BMP7: variants seen among roughly 807,000 people sequenced by gnomAD.
The protein encoded by BMP7 is bone morphogenetic protein 7.
Under a neutral mutation model 41.2 loss-of-function variants are expected in BMP7, and 12 were observed. The observed-to-expected ratio is 0.29, with a 90% CI of 0.19 to 0.47. BMP7 has a LOEUF of 0.47. Ranked by LOEUF, BMP7 falls within the 20% of genes least tolerant of loss-of-function variation. The probability of loss-of-function intolerance (pLI) is 0.99; values close to 1 mark genes in which losing one functional copy is unlikely to be tolerated. For missense variants in BMP7, 467 were observed against 606.0 expected (o/e 0.77, Z 2.41); for synonymous variants, 248 against 250.0 (o/e 0.99, Z 0.07).
intron 2 of BMP7, among the ~76,000 whole-genome samples, chr20:57,216,089 G>C (rs192977119): frequency 6.6e-6 from 1 of 152,280 alleles, no homozygotes; most frequent in Non-Finnish European, 1.5e-5. Context: ...GAGAAGGCCA[G>C]AGCGGGCTGT....
intron 1 of BMP7, among the ~76,000 whole-genome samples, chr20:57,264,406 C>A (rs1600649972): frequency 6.6e-6 from 1 of 152,358 alleles, no homozygotes; most frequent in Middle Eastern, 3.4e-3. Flanking sequence ...CAGGAAACAG[C>A]GCTATCGGGG....
intron 1 of BMP7, among the ~76,000 whole-genome samples, chr20:57,235,252 T>A (rs1230922577): frequency 6.6e-6 from 1 of 152,258 alleles, no homozygotes; most frequent in Non-Finnish European, 1.5e-5. Flanking sequence ...CTCATTTTTT[T>A]ATAGTCATTT....
chr20:57,175,869 C>G (rs892273901), intron 4 of BMP7, among the ~76,000 whole-genome samples: 9 of 152,170 alleles, frequency 5.9e-5, no homozygotes, highest in African/African-American at 1.9e-4. Flanking sequence ...AACTGATTGA[C>G]CAAACACCAA....
At chr20:57,187,414 A>G (rs1984238215) in intron 3 of BMP7, among the ~76,000 whole-genome samples, 1 of 152,156 alleles carries the variant, frequency 6.6e-6, no homozygotes, top group South Asian at 2.1e-4. Context: ...GTGGTTTAAT[A>G]AAAGGCAACT....
chr20:57,173,399 A>G (rs527636941), intron 5 of BMP7, 89 bp from the exon 6 acceptor site: 2 of 1,291,556 alleles, frequency 1.5e-6, no homozygotes, highest in African/African-American at 1.5e-5. Context: ...CCACCACGCC[A>G]GGCTCACGAC....
intron 1 of BMP7, among the ~76,000 whole-genome samples, chr20:57,241,081 A>G (rs2066067137): frequency 6.6e-6 from 1 of 152,158 alleles, no homozygotes; most frequent in South Asian, 2.1e-4. Context: ...CACTTTCCAG[A>G]TGAGGACACT....
chr20:57,193,502 C>A (rs2123078837), intron 3 of BMP7, among the ~76,000 whole-genome samples: 1 of 152,310 alleles, frequency 6.6e-6, no homozygotes, highest in African/African-American at 2.4e-5. Context: ...AGACACTGAC[C>A]CACTCACATC....
intron 3 of BMP7, among the ~76,000 whole-genome samples, chr20:57,185,745 G>C (rs925473201): frequency 6.6e-6 from 1 of 152,344 alleles, no homozygotes; most frequent in African/African-American, 2.4e-5. Flanking sequence ...TTAATGCACA[G>C]CTGGGGCTCA....
At chr20:57,204,546 C>T (rs998784616) in intron 2 of BMP7, among the ~76,000 whole-genome samples, 2 of 152,208 alleles carry the variant, frequency 1.3e-5, no homozygotes, top group Non-Finnish European at 2.9e-5. Flanking sequence ...GAGGCAGGTG[C>T]GAGGGCACAG....
intron 1 of BMP7, among the ~76,000 whole-genome samples, chr20:57,258,016 T>C (rs1369266781): frequency 6.6e-6 from 1 of 152,078 alleles, no homozygotes; most frequent in Non-Finnish European, 1.5e-5. Flanking sequence ...ACCCAATGCT[T>C]AGAAACACAC....
intron 3 of BMP7, among the ~76,000 whole-genome samples, chr20:57,188,126 G>T (rs917688681): frequency 2.6e-5 from 4 of 152,048 alleles, no homozygotes; most frequent in Admixed American, 6.5e-5. Context: ...TGAAAACACG[G>T]GTTCACATGA....
chr20:57,228,394 G>T lies in BMP7; in HGVS notation c.446C>A (p.Pro149Gln), dbSNP rs974761741. The change falls in exon 2 of 7, where the codon CCA becomes CAA. Residue 149 changes from proline to glutamine, a missense_variant. By Grantham distance (76) the Pro-to-Gln change is moderately conservative (BLOSUM62 -1). Coordinates refer to ENST00000395863, the MANE Select transcript of BMP7 (RefSeq NM_001719.3). The surrounding 1 kb of genome is among the most constrained non-coding windows in gnomAD (Gnocchi z 4.5). Reference protein sequence around the residue: ...LVEHDKEFFHPRYHHREFRFD... With the variant: ...LVEHDKEFFHQRYHHREFRFD... ...CCGGAACTCTCGATGGTGGTAGCGT[G>T]GGTGGAAGAATTCCTTGTCATGTTC... The T allele has an allele frequency of 6.2e-7, 1 of 1,614,166 alleles. No homozygotes were observed. The highest frequency in any genetic ancestry group is 2.2e-5 in the East Asian group (1 of 44,886).
At chr20:57,264,988 G>A (rs1242057266) in intron 1 of BMP7, among the ~76,000 whole-genome samples, 2 of 130,218 alleles carry the variant, frequency 1.5e-5, no homozygotes, top group African/African-American at 6.0e-5. Flanking sequence ...CAGAGATCGC[G>A]CCATTGCACT....
Position 57,228,109 on chromosome 20 carries a change from C to G in BMP7, c.611+120G>C. ...ATACACCTTCTTTAGAAGGGATAAT[C>G]TGGTACAGGGCCTGGCACGTGGTTG... On this transcript the variant is annotated intron_variant, in intron 2 of 6. Transcript: ENST00000395863. This position sits in a 1 kb window ranked among gnomAD's most constrained non-coding sequence, Gnocchi z 4.5. 1 of 1,121,754 alleles carries G rather than the reference C, an allele frequency of 8.9e-7. No individual in the cohort carries two copies. The highest frequency in any genetic ancestry group is 1.4e-6 in the Non-Finnish European group (1 of 738,020). 69.5% of individuals were successfully genotyped at this position (1,121,754 alleles called of 1,614,324 possible).
chr20:57,209,782 C>A (rs1984837324), intron 2 of BMP7, among the ~76,000 whole-genome samples: 1 of 152,232 alleles, frequency 6.6e-6, no homozygotes, highest in Admixed American at 6.5e-5. Context: ...AGCAACAATT[C>A]ACTGTGAAGT....
At position 57,213,833 on chromosome 20, in the gene BMP7, C is replaced by T. The variant is rs369883198; in HGVS notation, c.612-11210G>A. Among the ~76,000 whole-genome samples, 5 of 152,158 alleles carry T rather than the reference C, an allele frequency of 3.3e-5. No homozygotes were observed. In the East Asian group the frequency reaches 5.8e-4, roughly 18 times the overall value. On this transcript the variant is annotated intron_variant, in intron 2 of 6. Coordinates refer to ENST00000395863, the MANE Select transcript of BMP7 (RefSeq NM_001719.3). This position sits in a 1 kb window ranked among gnomAD's most constrained non-coding sequence, Gnocchi z 4.4. The stretch of plus-strand genomic sequence containing the variant: ...AACCCTGAGCAAGTCAGTCTCTGTC[C>T]ATCAGGTTCTTTTGTTTGTAAAATG...
In BMP7 at chr20:57,233,755, T is replaced by C. The variant is rs575445520; in HGVS notation, c.419-5334A>G. Among the ~76,000 whole-genome samples, 5 of 152,288 alleles carry C rather than the reference T, an allele frequency of 3.3e-5. No homozygotes were observed. In the South Asian group the frequency reaches 1.0e-3, roughly 32 times the overall value. Reference sequence around the variant, plus strand: ...AAAGGGAGGGCCACAACCAAAGAAATTGGCAACCCACTCTGTAGACTTGCA... The same window carrying C: ...AAAGGGAGGGCCACAACCAAAGAAACTGGCAACCCACTCTGTAGACTTGCA... On this transcript the variant is annotated intron_variant, in intron 1 of 6. Coordinates refer to ENST00000395863, the MANE Select transcript of BMP7 (RefSeq NM_001719.3).
chr20:57,225,268 C>T (rs540180637), intron 2 of BMP7, among the ~76,000 whole-genome samples: 1 of 152,236 alleles, frequency 6.6e-6, no homozygotes, highest in South Asian at 2.1e-4. Context: ...CATTTGCAAG[C>T]TCAGGGCTTT....
intron 1 of BMP7, among the ~76,000 whole-genome samples, chr20:57,265,193 G>C (rs2066171102): frequency 6.6e-6 from 1 of 152,248 alleles, no homozygotes; most frequent in Non-Finnish European, 1.5e-5. Flanking sequence ...AAGGCGCTCG[G>C]AGCGCGCGGT....
Sources: allele counts gnomAD v4.1 joint callset (sites outside exome capture counted in the v4.1 genomes callset), GRCh38; gene constraint gnomAD v4.1.1; non-coding constraint Gnocchi (gnomAD v3.1); transcripts MANE v1.5; gene names NCBI Gene and HGNC (gene_info 2026-07-23, HGNC 2026-07-21).